SUGT1: variants seen among roughly 807,000 people sequenced by gnomAD.
SUGT1 encodes the protein SGT1 assembly cochaperone of MIS12 kinetochore complex, also known as protein SGT1 homolog.
A neutral mutation model predicts 56.1 loss-of-function variants in SUGT1; 15 were observed. That is an observed-to-expected ratio of 0.27 (90% CI 0.18 to 0.41). SUGT1 has a LOEUF of 0.41. Ranked by LOEUF, SUGT1 falls within the 10% of genes least tolerant of loss-of-function variation. SUGT1 has a pLI of 1.00. For synonymous variants in SUGT1, 123 were observed against 128.6 expected (o/e 0.96, Z 0.30); for missense variants, 347 against 382.2 (o/e 0.91, Z 0.77).
chr13:52,669,444 G>GC (rs1295543689), intron 10 of SUGT1, among the ~76,000 whole-genome samples: 1 of 152,174 alleles, frequency 6.6e-6, no homozygotes, highest in African/African-American at 2.4e-5. Context: ...CATGACATTG[G>GC]CAGAGAATGT....
At chr13:52,655,713 G>T (rs1000478986) in intron 2 of SUGT1, among the ~76,000 whole-genome samples, 2 of 151,796 alleles carry the variant, frequency 1.3e-5, no homozygotes, top group African/African-American at 2.4e-5. Flanking sequence ...GCACTTAGAA[G>T]ATTGCCTTCA....
At chr13:52,656,206 A>T (rs1345683767) in intron 2 of SUGT1, among the ~76,000 whole-genome samples, 1 of 152,224 alleles carries the variant, frequency 6.6e-6, no homozygotes. Context: ...AAGAAGAAAA[A>T]TCAATACTTT....
At chr13:52,657,909 T>C (rs1221438142) in intron 3 of SUGT1, among the ~76,000 whole-genome samples, 1 of 152,210 alleles carries the variant, frequency 6.6e-6, no homozygotes, top group African/African-American at 2.4e-5. Context: ...AATGAAATGC[T>C]CGTTTAAATT....
intron 10 of SUGT1, among the ~76,000 whole-genome samples, chr13:52,675,304 T>C (rs1037973097): frequency 1.3e-5 from 2 of 152,244 alleles, no homozygotes; most frequent in Non-Finnish European, 2.9e-5. Flanking sequence ...CTGGGCTTGG[T>C]GGCTCATGCC....
chr13:52,660,041 G>A (rs1158497683), intron 5 of SUGT1, among the ~76,000 whole-genome samples: 1 of 151,232 alleles, frequency 6.6e-6, no homozygotes, highest in African/African-American at 2.4e-5. Flanking sequence ...ATGTTAGCCA[G>A]GATGGTCTCA....
At chr13:52,663,005 A>C in intron 6 of SUGT1, 91 bp from the exon 7 acceptor site, 2 of 1,413,634 alleles carry the variant, frequency 1.4e-6, no homozygotes, top group Non-Finnish European at 1.9e-6. Context: ...TGCTTGCTTA[A>C]TCAGTATGTT....
rs1481031835 is a variant in SUGT1, at chr13:52,696,639, C to A, written c.*8804C>A. The A allele has an allele frequency of 2.6e-5, 4 of 152,188 alleles. No individual in the cohort carries two copies. Among genetic ancestry groups the A allele is most frequent in the African/African-American group, 9.6e-5 (4 of 41,526 alleles). The allele number at this position is 152,188 out of a possible 1,614,324, so 9.4% of individuals were successfully genotyped here. A position where few individuals can be genotyped will look rare whatever the true frequency, so the allele number is the denominator to read the frequency against. ...TGTAAATAGAATAGTAATTTGTTTT[C>A]AAAAAGATGAGGTCTTGCTGTGGTG... On this transcript the variant is annotated 3_prime_UTR_variant, in exon 13 of 13. Transcript: ENST00000310528.
intron 7 of SUGT1, 107 bp downstream of exon 7, chr13:52,663,219 G>A: frequency 1.7e-6 from 2 of 1,173,340 alleles, no homozygotes; most frequent in South Asian, 1.5e-5. Flanking sequence ...TAAATATTAA[G>A]CAATTCCATT....
At chr13:52,655,525 G>C (rs370880732) in intron 2 of SUGT1, among the ~76,000 whole-genome samples, 1 of 152,170 alleles carries the variant, frequency 6.6e-6, no homozygotes, top group Non-Finnish European at 1.5e-5. Flanking sequence ...AGTGCAGACC[G>C]GGTCAAAGAT....
At chr13:52,680,286 C>T (rs1051905992) in intron 12 of SUGT1, 131 bp downstream of exon 12, 27 of 772,240 alleles carry the variant, frequency 3.5e-5, no homozygotes, top group Admixed American at 7.2e-5. Flanking sequence ...TCTGTCTGAA[C>T]GTTTCTTTTT....
At chr13:52,685,551 T>C (rs896677244) in intron 12 of SUGT1, among the ~76,000 whole-genome samples, 20 of 152,304 alleles carry the variant, frequency 1.3e-4, no homozygotes, top group African/African-American at 4.3e-4. Context: ...ATTAGCAGTA[T>C]GTCAGATCAA....
In SUGT1 at chr13:52,685,877, T is replaced by C. The variant is rs192880561; in HGVS notation, c.901-1857T>C. ...GGGCGATAAGTGTCATCAGCAAATA[T>C]GGTCAGATTGTAAACCAAATCCACA... On this transcript the variant is annotated intron_variant, in intron 12 of 12. Transcript: ENST00000310528. Among the ~76,000 whole-genome samples, 12 of 152,260 alleles carry C rather than the reference T, an allele frequency of 7.9e-5. No individual in the cohort carries two copies. In the East Asian group the frequency reaches 2.3e-3, roughly 29 times the overall value.
At chr13:52,666,722 A>G in intron 9 of SUGT1, 90 bp from the exon 10 acceptor site, 1 of 812,996 alleles carries the variant, frequency 1.2e-6, no homozygotes, top group Non-Finnish European at 2.0e-6. Context: ...AATTTGTAAC[A>G]TTATTGAAGA....
rs1415421034 is a variant in SUGT1 at position 52,666,722 on chromosome 13, A to AT, written c.520-88dup. 7.4e-6 allele frequency: 6 copies of AT among 812,996 alleles called. No individual in the cohort carries two copies. In the Admixed American group the frequency reaches 9.7e-5, roughly 13 times the overall value. The allele number at this position is 812,996 out of a possible 1,614,324, so 50.4% of individuals were successfully genotyped here. A position where few individuals can be genotyped will look rare whatever the true frequency, so the allele number is the denominator to read the frequency against. On this transcript the variant is annotated intron_variant, in intron 9 of 12. Transcript: ENST00000310528. ...TATAATGTTTAAAATAATTTGTAAC[A>AT]TTATTGAAGATTTGTCATTATTTTG...
At position 52,693,404 on chromosome 13, in the gene SUGT1, A is replaced by G. The variant is rs1189029035; in HGVS notation, c.*5569A>G. 6.6e-6 allele frequency: 1 copy of G among 152,192 alleles called. No homozygotes were observed. The allele number at this position is 152,192 out of a possible 1,614,324, so 9.4% of individuals were successfully genotyped here. A position where few individuals can be genotyped will look rare whatever the true frequency, so the allele number is the denominator to read the frequency against. On this transcript the variant is annotated 3_prime_UTR_variant, in exon 13 of 13. Transcript: ENST00000310528. ...GTACCCTATAATGCAGCCACAGAAG[A>G]TCTAAATAATAAACAATTGCGCATA...
intron 5 of SUGT1, 98 bp from the exon 6 acceptor site, chr13:52,662,551 C>G: frequency 1.6e-6 from 2 of 1,274,642 alleles, no homozygotes; most frequent in Admixed American, 1.8e-5. Flanking sequence ...TCCCCAGTGC[C>G]TAGAACACTG....
intron 11 of SUGT1, among the ~76,000 whole-genome samples, chr13:52,679,600 A>G (rs1356954162): frequency 6.6e-6 from 1 of 152,158 alleles, no homozygotes; most frequent in Non-Finnish European, 1.5e-5. Context: ...TTTCATTTTT[A>G]GAATTGTTCG....
chr13:52,659,126 G>T (rs1236268253), intron 4 of SUGT1, 53 bp from the exon 5 acceptor site: 7 of 1,385,836 alleles, frequency 5.1e-6, no homozygotes, highest in Non-Finnish European at 3.9e-6. Flanking sequence ...TAGAAAGAAG[G>T]TATTTTCCAG....
chr13:52,666,634 T>TG (rs1403355381), intron 9 of SUGT1, among the ~76,000 whole-genome samples, 178 bp from the exon 10 acceptor site: 2 of 152,070 alleles, frequency 1.3e-5, no homozygotes, highest in African/African-American at 2.4e-5. Context: ...GGATACCAGA[T>TG]GGAAAAAAAA....
Sources: allele counts gnomAD v4.1 joint callset (sites outside exome capture counted in the v4.1 genomes callset), GRCh38; gene constraint gnomAD v4.1.1; transcripts MANE v1.5; gene names NCBI Gene and HGNC (gene_info 2026-07-23, HGNC 2026-07-21).